TDRD9: variants seen among roughly 807,000 people sequenced by gnomAD.
TDRD9 encodes the protein ATP-dependent RNA helicase TDRD9.
A neutral mutation model predicts 172.6 loss-of-function variants in TDRD9; 124 were observed. The ratio of observed to expected loss-of-function variants is 0.72; its 90% CI spans 0.62 to 0.83. The LOEUF (loss-of-function observed/expected upper bound fraction) is 0.83. Ranked by LOEUF, TDRD9 falls within the 40% of genes least tolerant of loss-of-function variation. The pLI is 0.00. For synonymous variants in TDRD9, 619 were observed against 617.1 expected (o/e 1.00, Z -0.05); for missense variants, 1,479 against 1,714.1 (o/e 0.86, Z 2.42).
rs1246600806 is a variant in TDRD9, at chr14:104,025,662, G to C, written c.2817G>C (p.Val939=). The C allele has an allele frequency of 6.2e-7, 1 of 1,614,008 alleles. No homozygotes were observed. Among genetic ancestry groups the C allele is most frequent in the Admixed American group, 1.7e-5 (1 of 60,024 alleles). ...LTAEINQLTL[V]PLPTHPHPDL... ...CTGAAATCAACCAACTGACGCTGGT[G>C]CCCTTGCCCACTCACCCACATCCAG... Residue 939 remains valine, a synonymous_variant, in exon 26 of 36, where the codon GTG becomes GTC. Transcript: ENST00000409874.
chr14:103,995,847 G>A, intron 12 of TDRD9, 40 bp downstream of exon 12: 8 of 1,539,350 alleles, frequency 5.2e-6, no homozygotes, highest in Non-Finnish European at 5.3e-6. Flanking sequence ...ATTAGCTGTA[G>A]TGCCATATTT....
chr14:103,928,875 A>C, intron 1 of TDRD9, 151 bp downstream of exon 1: 1 of 259,564 alleles, frequency 3.9e-6, no homozygotes, highest in Non-Finnish European at 7.3e-6. Context: ...GTCACTACAC[A>C]ACCCGACGCG....
Position 103,965,457 on chromosome 14 carries a change from T to C in TDRD9, c.545T>C (p.Ile182Thr), listed in dbSNP as rs752210666. 5.2e-6 allele frequency: 8 copies of C among 1,551,066 alleles called. No individual in the cohort carries two copies. Among genetic ancestry groups the C allele is most frequent in the South Asian group, 1.2e-5 (1 of 84,040 alleles). ...HYVQRSAYCS[I>T]VVTQPRKIGA... ...GTTCAGCGCTCCGCCTACTGCAGCA[T>C]TGTGGTCACCCAGCCCCGGAAGATA... Residue 182 changes from isoleucine (I) to threonine (T), a missense_variant, in exon 4 of 36, where the codon ATT (isoleucine) becomes ACT (threonine). Ile to Thr is a moderately conservative substitution (Grantham distance 89). Coordinates refer to ENST00000409874, the MANE Select transcript of TDRD9 (RefSeq NM_153046.3).
At chr14:104,003,760 T>C (rs1482552371) in intron 13 of TDRD9, among the ~76,000 whole-genome samples, 2 of 152,190 alleles carry the variant, frequency 1.3e-5, no homozygotes, top group South Asian at 2.1e-4. Flanking sequence ...CGTAATGCGG[T>C]GTGGCTGACA....
chr14:104,007,059 A>G, intron 18 of TDRD9, 101 bp from the exon 19 acceptor site: 1 of 1,228,694 alleles, frequency 8.1e-7, no homozygotes, highest in Non-Finnish European at 1.1e-6. Context: ...TTAAATTTGT[A>G]AATTTTTATG....
At chr14:103,966,006 G>T (rs574503242) in intron 4 of TDRD9, among the ~76,000 whole-genome samples, 1 of 151,976 alleles carries the variant, frequency 6.6e-6, no homozygotes, top group East Asian at 1.9e-4. Flanking sequence ...GAGAACTGTG[G>T]CATAATTTTA....
intron 7 of TDRD9, among the ~76,000 whole-genome samples, chr14:103,979,117 G>T (rs1170423706): frequency 6.6e-6 from 1 of 151,946 alleles, no homozygotes; most frequent in Non-Finnish European, 1.5e-5. Context: ...CTGTTTTTTA[G>T]CTTCCACATG....
intron 32 of TDRD9, among the ~76,000 whole-genome samples, chr14:104,036,777 A>G (rs1031119960): frequency 1.3e-5 from 2 of 152,232 alleles, no homozygotes; most frequent in Non-Finnish European, 2.9e-5. Context: ...TGCTTTGCTG[A>G]TTATATTCAT....
chr14:104,009,599 A>T (rs943455052), intron 20 of TDRD9, among the ~76,000 whole-genome samples: 4 of 152,224 alleles, frequency 2.6e-5, no homozygotes, highest in African/African-American at 2.4e-5. Context: ...AAAAATTTTT[A>T]AAAAATTAAT....
At chr14:103,947,617 G>T (rs865952906) in intron 1 of TDRD9, among the ~76,000 whole-genome samples, 7 of 152,162 alleles carry the variant, frequency 4.6e-5, no homozygotes, top group African/African-American at 1.7e-4. Context: ...ATGAGCCACC[G>T]TGCCTGGCCA....
intron 32 of TDRD9, among the ~76,000 whole-genome samples, chr14:104,035,766 C>T (rs1409737697): frequency 6.6e-6 from 1 of 151,986 alleles, no homozygotes; most frequent in Non-Finnish European, 1.5e-5. Flanking sequence ...ATGGCCATGA[C>T]GAGATTGCAG....
At chr14:103,950,682 T>C (rs2031825561) in intron 1 of TDRD9, among the ~76,000 whole-genome samples, 1 of 152,202 alleles carries the variant, frequency 6.6e-6, no homozygotes, top group Admixed American at 6.5e-5. Flanking sequence ...GAATGAAATA[T>C]TGTGTACCTC....
At chr14:104,014,667 C>A in intron 20 of TDRD9, 58 bp from the exon 21 acceptor site, 1 of 968,860 alleles carries the variant, frequency 1.0e-6, no homozygotes, top group Non-Finnish European at 1.6e-6. Flanking sequence ...CTAGTGTTTT[C>A]ACTGCTCTGA....
Position 103,976,374 on chromosome 14 carries a change from C to T in TDRD9, c.1011+821C>T, listed in dbSNP as rs147905253. ...CTGCAAGCTCTGCCTTCCAGGTTCACACCATTCTCCTGCCTCAGCCTCCCA... is the reference window on the plus strand; with the variant it reads ...CTGCAAGCTCTGCCTTCCAGGTTCATACCATTCTCCTGCCTCAGCCTCCCA... On this transcript the variant is annotated intron_variant, in intron 7 of 35. Transcript: ENST00000409874. Among the ~76,000 whole-genome samples the T allele has an allele frequency of 1.9e-3, 281 of 151,638 alleles. 1 individual carries two copies. Among genetic ancestry groups the T allele is most frequent in the African/African-American group, 6.6e-3 (274 of 41,316 alleles).
At chr14:104,012,652 G>A (rs1303143328) in intron 20 of TDRD9, among the ~76,000 whole-genome samples, 1 of 151,792 alleles carries the variant, frequency 6.6e-6, no homozygotes, top group Admixed American at 6.6e-5. Flanking sequence ...ATTTTATTAT[G>A]AGCAGCTTTA....
chr14:104,034,481 C>T (rs535973821), intron 31 of TDRD9, among the ~76,000 whole-genome samples: 5 of 152,326 alleles, frequency 3.3e-5, no homozygotes, highest in Admixed American at 6.5e-5. Context: ...TGAGCCACCG[C>T]GCCCAGCTTA....
rs1387346332 is a variant in TDRD9 at position 103,928,674 on chromosome 14, G to GGCTCCGGCTCTGGCCCAA, written c.174_191dup (p.Leu59_Ala64dup). On this transcript the variant is annotated inframe_insertion, in exon 1 of 36. Transcript: ENST00000409874. The stretch of plus-strand genomic sequence containing the variant: ...CCCCCGGCGCTGGTCCCGCGGCCCA[G>GGCTCCGGCTCTGGCCCAA]GCTCCGGCTCTGGCCCAAGCTCCGG... The GGCTCCGGCTCTGGCCCAA allele has an allele frequency of 4.7e-5, 58 of 1,228,228 alleles. No individual in the cohort carries two copies. Among genetic ancestry groups the GGCTCCGGCTCTGGCCCAA allele is most frequent in the South Asian group, 6.3e-5 (2 of 31,618 alleles). The allele number at this position is 1,228,228 out of a possible 1,614,324, so 76.1% of individuals were successfully genotyped here.
intron 13 of TDRD9, among the ~76,000 whole-genome samples, 199 bp downstream of exon 13, chr14:103,998,927 G>C (rs1167221808): frequency 6.6e-6 from 1 of 152,038 alleles, no homozygotes; most frequent in Middle Eastern, 3.2e-3. Flanking sequence ...CGAGTTGCTG[G>C]GACTACAGGC....
intron 1 of TDRD9, among the ~76,000 whole-genome samples, chr14:103,946,815 A>G (rs2031583807): frequency 6.6e-6 from 1 of 152,270 alleles, no homozygotes; most frequent in African/African-American, 2.4e-5. Context: ...CAAAAAGAAT[A>G]AAATACTCAG....
Sources: gnomAD v4.1 joint callset for allele counts (sites outside exome capture counted in the v4.1 genomes callset) on GRCh38, gnomAD v4.1.1 for gene constraint, MANE v1.5 for transcripts, NCBI Gene and HGNC (gene_info 2026-07-23, HGNC 2026-07-21) for gene names.